PTPN14: variants seen among roughly 807,000 people sequenced by gnomAD.
The protein encoded by PTPN14 is protein tyrosine phosphatase non-receptor type 14, also known as tyrosine-protein phosphatase non-receptor type 14.
In PTPN14, 53 loss-of-function variants were observed where a neutral mutation model predicts 126.8. The ratio of observed to expected loss-of-function variants is 0.42; its 90% CI spans 0.34 to 0.53. The LOEUF (loss-of-function observed/expected upper bound fraction) is 0.53, where lower values mean the gene tolerates loss of function less well. Ranked by LOEUF, PTPN14 falls within the 20% of genes least tolerant of loss-of-function variation. The pLI is 0.08. For synonymous variants in PTPN14, 630 were observed against 599.3 expected, an observed-to-expected ratio of 1.05 and a Z score of -0.75; for missense variants, 1,257 against 1,552.9, an observed-to-expected ratio of 0.81 and a Z score of 3.20.
intron 1 of PTPN14, among the ~76,000 whole-genome samples, chr1:214,512,473 T>C (rs1655001496): frequency 6.6e-6 from 1 of 152,126 alleles, no homozygotes; most frequent in South Asian, 2.1e-4. Context: ...TCTGTATGAT[T>C]CCATTTATAT....
intron 1 of PTPN14, among the ~76,000 whole-genome samples, chr1:214,515,795 A>G (rs1237791563): frequency 7.3e-6 from 1 of 136,222 alleles, no homozygotes; most frequent in Non-Finnish European, 1.5e-5. Flanking sequence ...TGAAGAAAAG[A>G]AAAAAAAAAC....
rs1245696190 is a variant in PTPN14 at position 214,364,762 on chromosome 1, G to GAGTGT, written c.3272-88_3272-87insACACT. 2 of 714,508 alleles carry GAGTGT rather than the reference G, an allele frequency of 2.8e-6. No individual in the cohort carries two copies. The highest frequency in any genetic ancestry group is 7.3e-5 in the African/African-American group (2 of 27,392). The allele number at this position is 714,508 out of a possible 1,614,324, so 44.3% of individuals were successfully genotyped here. ...GAGGGGGGAGCGGAAGAGAACTGAT[G>GAGTGT]GTGAGTGTGTGTGTGTGTGTGTGTG... On this transcript the variant is annotated intron_variant, in intron 17 of 18. Transcript: ENST00000366956. The surrounding 1 kb of genome is among the most constrained non-coding windows in gnomAD (Gnocchi z 4.1).
chr1:214,402,953 C>A lies in PTPN14; in HGVS notation c.511G>T (p.Asp171Tyr). The A allele has an allele frequency of 6.2e-7, 1 of 1,613,966 alleles. No individual in the cohort carries two copies. Residue 171 changes from aspartate (D) to tyrosine (Y), a missense_variant and splice_region_variant, in exon 6 of 19, where the codon GAT becomes TAT. By Grantham distance (160) the Asp-to-Tyr change is radical. Transcript: ENST00000366956. Reference sequence around the variant, plus strand: ...AGAACAGCCTCTTCCAGGGCCAAATCCTATAAGAATAGAAAGTGCTTAAGG... The same window carrying A: ...AGAACAGCCTCTTCCAGGGCCAAATACTATAAGAATAGAAAGTGCTTAAGG... ...FLREYVLFPM[D>Y]LALEEAVLEE... is the part of the protein sequence containing the mutation.
At chr1:214,483,227 A>G in intron 1 of PTPN14, 1 of 1,613,370 alleles carries the variant, frequency 6.2e-7, no homozygotes, top group East Asian at 2.2e-5. Flanking sequence ...TCCAATTAAT[A>G]ATCCCCCTTC....
intron 3 of PTPN14, among the ~76,000 whole-genome samples, chr1:214,424,603 T>C (rs937840371): frequency 1.3e-5 from 2 of 151,760 alleles, no homozygotes; most frequent in African/African-American, 4.8e-5. Flanking sequence ...TCTTGGCTCA[T>C]TGCAACCTCC....
chr1:214,403,366 T>C (rs1274444141), intron 5 of PTPN14, among the ~76,000 whole-genome samples: 1 of 152,224 alleles, frequency 6.6e-6, no homozygotes, highest in East Asian at 1.9e-4. Flanking sequence ...AGGAAGGGAC[T>C]GTGCCAGGCC....
chr1:214,367,667 T>C (rs1658113383), intron 17 of PTPN14, among the ~76,000 whole-genome samples: 1 of 152,164 alleles, frequency 6.6e-6, no homozygotes, highest in African/African-American at 2.4e-5. Flanking sequence ...CTGGGGCTCC[T>C]TTCCAGGTGG....
chr1:214,393,625 A>G, intron 10 of PTPN14, 70 bp downstream of exon 10: 1 of 1,209,880 alleles, frequency 8.3e-7, no homozygotes, highest in Non-Finnish European at 1.2e-6. Context: ...AGAGATCTAC[A>G]GCACCCCAAA....
chr1:214,493,761 C>T (rs1661300334), intron 1 of PTPN14, among the ~76,000 whole-genome samples: 1 of 152,094 alleles, frequency 6.6e-6, no homozygotes. Flanking sequence ...TAATGTCACA[C>T]ATATATGGTC....
At position 214,353,448 on chromosome 1, in the gene PTPN14, T is replaced by C. The variant is rs1418836660; in HGVS notation, c.*4474A>G. The C allele has an allele frequency of 6.6e-6, 1 of 152,208 alleles. No individual in the cohort carries two copies. The highest frequency in any genetic ancestry group is 6.5e-5 in the Admixed American group (1 of 15,286). The allele number at this position is 152,208 out of a possible 1,614,324, so 9.4% of individuals were successfully genotyped here. A position where few individuals can be genotyped will look rare whatever the true frequency, so the allele number is the denominator to read the frequency against. The stretch of plus-strand genomic sequence containing the variant: ...TTTTCAATCTGTACTTGGTTGAATA[T>C]AGGGATGTGGAACCCACAGATAGGG... On this transcript the variant is annotated 3_prime_UTR_variant, in exon 19 of 19. Transcript: ENST00000366956.
chr1:214,483,404 C>T, intron 1 of PTPN14: 1 of 1,573,036 alleles, frequency 6.4e-7, no homozygotes, highest in South Asian at 1.1e-5. Flanking sequence ...GCCAGGCCGA[C>T]CGGGTGGGCA....
intron 5 of PTPN14, among the ~76,000 whole-genome samples, chr1:214,410,948 T>C (rs1659294150): frequency 1.3e-5 from 2 of 152,238 alleles, no homozygotes; most frequent in South Asian, 4.1e-4. Flanking sequence ...CTTTGGTGAC[T>C]CCAAATGAAT....
intron 3 of PTPN14, among the ~76,000 whole-genome samples, chr1:214,415,410 A>T (rs1019371265): frequency 6.6e-6 from 1 of 152,198 alleles, no homozygotes; most frequent in Non-Finnish European, 1.5e-5. Flanking sequence ...TACCTAAAAC[A>T]TTTAGAAAAC....
In PTPN14 at chr1:214,521,996, G is replaced by C. The variant is rs568564791; in HGVS notation, c.-155+29187C>G. 5.9e-4 allele frequency among the ~76,000 whole-genome samples: 86 copies of C among 144,810 alleles called. 1 individual carries two copies. The highest frequency in any genetic ancestry group is 2.2e-3 in the African/African-American group (84 of 38,370). The stretch of plus-strand genomic sequence containing the variant: ...CTGTTGCCCAGGCTGGAATGCAGTG[G>C]CACGATCTCGGCTCACTGCAACCTC... On this transcript the variant is annotated intron_variant, in intron 1 of 18. Transcript: ENST00000366956.
chr1:214,457,030 C>T (rs768041584), intron 2 of PTPN14, among the ~76,000 whole-genome samples: 1 of 152,142 alleles, frequency 6.6e-6, no homozygotes, highest in Non-Finnish European at 1.5e-5. Context: ...TTGAGTACCC[C>T]CCAAATCCCA....
chr1:214,543,835 G>A (rs991365328), intron 1 of PTPN14, among the ~76,000 whole-genome samples: 1 of 152,040 alleles, frequency 6.6e-6, no homozygotes, highest in African/African-American at 2.4e-5. Context: ...TGGCCAGGAT[G>A]GTCTCGATCT....
intron 1 of PTPN14, among the ~76,000 whole-genome samples, chr1:214,508,882 T>C (rs1571632585): frequency 6.6e-6 from 1 of 152,222 alleles, no homozygotes; most frequent in African/African-American, 2.4e-5. Context: ...GGTGACAAGA[T>C]GCATTGTCAA....
intron 18 of PTPN14, among the ~76,000 whole-genome samples, chr1:214,360,609 T>C (rs1307008113): frequency 6.6e-6 from 1 of 152,224 alleles, no homozygotes; most frequent in African/African-American, 2.4e-5. Context: ...AGAATAAGGC[T>C]GTTCCCTCCC....
intron 1 of PTPN14, among the ~76,000 whole-genome samples, chr1:214,501,440 T>C (rs77741413): frequency 0.057 from 8,702 of 151,948 alleles, 278 homozygotes; most frequent in Middle Eastern, 0.13. Context: ...CGGGGCTTCG[T>C]GATGTTGGGC....
Sources: allele counts gnomAD v4.1 joint callset (sites outside exome capture counted in the v4.1 genomes callset), GRCh38; gene constraint gnomAD v4.1.1; non-coding constraint Gnocchi (gnomAD v3.1); transcripts MANE v1.5; gene names NCBI Gene and HGNC (gene_info 2026-07-23, HGNC 2026-07-21).